The following SLCO5A1 variants were observed in gnomAD, a reference collection of about 807,000 sequenced individuals.
SLCO5A1 encodes the protein organic anion transporter polypeptide-related protein 4.
In SLCO5A1, 39 loss-of-function variants were observed where a neutral mutation model predicts 65.1. The observed-to-expected ratio is 0.60, with a 90% CI of 0.46 to 0.78. The LOEUF (loss-of-function observed/expected upper bound fraction) is 0.78. Ranked by LOEUF, SLCO5A1 falls within the 30% of genes least tolerant of loss-of-function variation. The pLI is 0.00. For synonymous variants in SLCO5A1, 438 were observed against 415.7 expected (o/e 1.05, Z -0.65); for missense variants, 1,029 against 1,069.4 (o/e 0.96, Z 0.53).
chr8:69,793,979 C>T (rs1372455269), intron 2 of SLCO5A1: 3 of 168,552 alleles, frequency 1.8e-5, no homozygotes, highest in Non-Finnish European at 2.5e-5. Context: ...ATTACTATCC[C>T]TTTATGCAGA....
intron 2 of SLCO5A1, among the ~76,000 whole-genome samples, chr8:69,790,619 C>A (rs1484197464): frequency 6.6e-6 from 1 of 151,690 alleles, no homozygotes; most frequent in Non-Finnish European, 1.5e-5. Flanking sequence ...CCACTGCATT[C>A]CAACCTAGGC....
intron 2 of SLCO5A1, among the ~76,000 whole-genome samples, chr8:69,799,361 A>G (rs989318078): frequency 6.6e-6 from 1 of 152,248 alleles, no homozygotes; most frequent in Non-Finnish European, 1.5e-5. Flanking sequence ...GTGTATTTCA[A>G]TGACAACTCT....
At chr8:69,731,529 A>G (rs971648391) in intron 5 of SLCO5A1, among the ~76,000 whole-genome samples, 1 of 152,244 alleles carries the variant, frequency 6.6e-6, no homozygotes, top group Non-Finnish European at 1.5e-5. Context: ...GCCACATGGT[A>G]GACACCCAAA....
chr8:69,823,455 A>G (rs1820736280), intron 2 of SLCO5A1, among the ~76,000 whole-genome samples: 1 of 152,216 alleles, frequency 6.6e-6, no homozygotes, highest in Admixed American at 6.5e-5. Flanking sequence ...TGGAAAACAA[A>G]AAAAGGCAGG....
chr8:69,685,047 G>A (rs1813945993), intron 6 of SLCO5A1, among the ~76,000 whole-genome samples: 1 of 152,162 alleles, frequency 6.6e-6, no homozygotes, highest in Non-Finnish European at 1.5e-5. Context: ...AGATCATGGT[G>A]TCTGATACAA....
chr8:69,803,114 T>C (rs1037065432), intron 2 of SLCO5A1, among the ~76,000 whole-genome samples: 1 of 152,058 alleles, frequency 6.6e-6, no homozygotes, highest in African/African-American at 2.4e-5. Context: ...ATCCCGTCTC[T>C]ACTAAAAACA....
At chr8:69,761,652 CCCCA>C (rs1262486746) in intron 3 of SLCO5A1, 87 bp downstream of exon 3, 1 of 1,427,172 alleles carries the variant, frequency 7.0e-7, no homozygotes, top group African/African-American at 1.5e-5. Flanking sequence ...TTTTTTGTCT[CCCCA>C]TTGGAAAAAT....
In SLCO5A1 at chr8:69,670,647, C is replaced by G. The variant is rs945296049; in HGVS notation, c.*2222G>C. The G allele has an allele frequency of 3.3e-5, 5 of 152,094 alleles. No homozygotes were observed. The highest frequency in any genetic ancestry group is 7.3e-5 in the Non-Finnish European group (5 of 68,032). The allele number at this position is 152,094 out of a possible 1,614,324, so 9.4% of individuals were successfully genotyped here. A position where few individuals can be genotyped will look rare whatever the true frequency, so the allele number is the denominator to read the frequency against. On this transcript the variant is annotated 3_prime_UTR_variant, in exon 10 of 10. Coordinates refer to ENST00000260126, the MANE Select transcript of SLCO5A1 (RefSeq NM_030958.3). ...TCAGGTAATATGACACCTGAAGATA[C>G]CTGGCACCTGATCAGTGATCGCCAA...
At chr8:69,819,051 G>A (rs893183341) in intron 2 of SLCO5A1, among the ~76,000 whole-genome samples, 1 of 152,094 alleles carries the variant, frequency 6.6e-6, no homozygotes, top group African/African-American at 2.4e-5. Flanking sequence ...TAAACACATT[G>A]TAAACAAGAC....
intron 4 of SLCO5A1, among the ~76,000 whole-genome samples, chr8:69,753,115 C>G (rs986060114): frequency 1.3e-5 from 2 of 152,062 alleles, no homozygotes; most frequent in Non-Finnish European, 2.9e-5. Flanking sequence ...GTATGGGTTC[C>G]CCAGGAGAAG....
chr8:69,730,441 T>C (rs1489651949), intron 5 of SLCO5A1, among the ~76,000 whole-genome samples: 3 of 152,224 alleles, frequency 2.0e-5, no homozygotes, highest in Non-Finnish European at 4.4e-5. Flanking sequence ...GGAAGAATTA[T>C]AGAGTTCATT....
chr8:69,691,986 C>A (rs779766206), intron 6 of SLCO5A1, among the ~76,000 whole-genome samples: 1 of 152,198 alleles, frequency 6.6e-6, no homozygotes, highest in Non-Finnish European at 1.5e-5. Flanking sequence ...CGGTGGCTCA[C>A]GCCTGTAATC....
intron 6 of SLCO5A1, among the ~76,000 whole-genome samples, chr8:69,692,765 A>G (rs1223314683): frequency 6.6e-6 from 1 of 152,194 alleles, no homozygotes; most frequent in Non-Finnish European, 1.5e-5. Context: ...ATCTTCACGG[A>G]CCATAACATG....
intron 2 of SLCO5A1, among the ~76,000 whole-genome samples, chr8:69,812,072 A>T (rs534476414): frequency 6.6e-6 from 1 of 152,318 alleles, no homozygotes; most frequent in African/African-American, 2.4e-5. Context: ...AAATGCAAAA[A>T]CTGAAACCCA....
At chr8:69,807,167 C>T (rs546780968) in intron 2 of SLCO5A1, among the ~76,000 whole-genome samples, 3 of 152,158 alleles carry the variant, frequency 2.0e-5, no homozygotes, top group African/African-American at 7.2e-5. Context: ...GAGAAATAAA[C>T]ATCTGGAATT....
intron 2 of SLCO5A1, among the ~76,000 whole-genome samples, chr8:69,807,207 CATTTT>C (rs1563735738): frequency 6.6e-6 from 1 of 152,172 alleles, no homozygotes; most frequent in Non-Finnish European, 1.5e-5. Flanking sequence ...GGGTTTTTTA[CATTTT>C]ATTTTATTTT....
intron 5 of SLCO5A1, among the ~76,000 whole-genome samples, chr8:69,708,435 C>A (rs974161065): frequency 6.6e-6 from 1 of 152,110 alleles, no homozygotes; most frequent in Non-Finnish European, 1.5e-5. Context: ...ATGTTGGGTG[C>A]CTGTAATCCC....
rs558728425 is a variant in SLCO5A1, at chr8:69,670,960, G to C, written c.*1909C>G. The C allele has an allele frequency of 6.6e-6, 1 of 152,244 alleles. No individual in the cohort carries two copies. The highest frequency in any genetic ancestry group is 1.5e-5 in the Non-Finnish European group (1 of 68,086). The allele number at this position is 152,244 out of a possible 1,614,324, so 9.4% of individuals were successfully genotyped here. A position where few individuals can be genotyped will look rare whatever the true frequency, so the allele number is the denominator to read the frequency against. ...AGGAGACACTAGTTCAATCAGCAAG[G>C]TTTTCTTAATCAGCAAGATTTTTTG... On this transcript the variant is annotated 3_prime_UTR_variant, in exon 10 of 10. Coordinates refer to ENST00000260126, the MANE Select transcript of SLCO5A1 (RefSeq NM_030958.3).
intron 2 of SLCO5A1, among the ~76,000 whole-genome samples, chr8:69,796,478 T>C (rs1819505776): frequency 6.6e-6 from 1 of 151,856 alleles, no homozygotes; most frequent in Non-Finnish European, 1.5e-5. Context: ...TAGCCAGGCG[T>C]GGTGGCATAT....
Sources: gnomAD v4.1 joint callset for allele counts (sites outside exome capture counted in the v4.1 genomes callset) on GRCh38, gnomAD v4.1.1 for gene constraint, MANE v1.5 for transcripts, NCBI Gene and HGNC (gene_info 2026-07-23, HGNC 2026-07-21) for gene names.